MRE11: variants seen among roughly 807,000 people sequenced by gnomAD.
MRE11 encodes the protein MRE11 double strand break repair nuclease.
MRE11 carries 62 observed loss-of-function variants against 91.7 expected under a neutral mutation model. The observed-to-expected ratio is 0.68, with a 90% CI of 0.55 to 0.84. MRE11 has a LOEUF of 0.84. Among genes scored for constraint, MRE11 ranks in the 40% least tolerant of loss-of-function variants. The pLI is 0.00. For synonymous variants in MRE11, 273 were observed against 271.4 expected, an observed-to-expected ratio of 1.01 and a Z score of -0.06; for missense variants, 796 against 852.9, an observed-to-expected ratio of 0.93 and a Z score of 0.83.
chr11:94,424,884 T>C (rs1945269094), intron 19 of MRE11, among the ~76,000 whole-genome samples: 1 of 152,066 alleles, frequency 6.6e-6, no homozygotes, highest in Non-Finnish European at 1.5e-5. Context: ...CTCATTGGCA[T>C]TCCTGAGAGA....
At chr11:94,465,839 G>A (rs1946547129) in intron 10 of MRE11, among the ~76,000 whole-genome samples, 1 of 152,228 alleles carries the variant, frequency 6.6e-6, no homozygotes, top group Non-Finnish European at 1.5e-5. Context: ...TTCTAAGTAT[G>A]CTGTTCAGGG....
At chr11:94,491,609 C>G (rs1010809142) in intron 2 of MRE11, among the ~76,000 whole-genome samples, 3 of 152,114 alleles carry the variant, frequency 2.0e-5, no homozygotes, top group African/African-American at 7.2e-5. Flanking sequence ...CATCTCAACC[C>G]TCACAGATAA....
Position 94,434,830 on chromosome 11 carries a change from T to C in MRE11, c.1994+1002A>G, listed in dbSNP as rs536984042. The stretch of plus-strand genomic sequence containing the variant: ...TGTTCATTTCTCTTTTCCACTATAA[T>C]TGAAGTTACCTGAAGGCAGAGGCCA... On this transcript the variant is annotated intron_variant, in intron 18 of 19. Coordinates refer to ENST00000323929, the MANE Select transcript of MRE11 (RefSeq NM_005591.4). 6.6e-5 allele frequency among the ~76,000 whole-genome samples: 10 copies of C among 152,334 alleles called. No homozygotes were observed. In the East Asian group the frequency reaches 9.6e-4, roughly 15 times the overall value.
chr11:94,439,004 C>T (rs1289872758), intron 16 of MRE11, among the ~76,000 whole-genome samples: 1 of 152,174 alleles, frequency 6.6e-6, no homozygotes, highest in African/African-American at 2.4e-5. Flanking sequence ...AGCCACTATC[C>T]TCTGCTGACT....
chr11:94,472,137 C>A (rs768823244), intron 7 of MRE11, among the ~76,000 whole-genome samples: 3 of 151,958 alleles, frequency 2.0e-5, no homozygotes, highest in Non-Finnish European at 4.4e-5. Context: ...ACAGAAAATG[C>A]AAGTAAGTAT....
intron 16 of MRE11, among the ~76,000 whole-genome samples, chr11:94,444,199 G>C (rs1337031168): frequency 6.6e-6 from 1 of 152,114 alleles, no homozygotes; most frequent in Non-Finnish European, 1.5e-5. Context: ...ATGAGCCACT[G>C]CGCCTGGCCA....
In MRE11 at chr11:94,437,157, C is replaced by A; in HGVS notation, c.1926+20G>T. 6.3e-7 allele frequency: 1 copy of A among 1,599,866 alleles called. No homozygotes were observed. Among genetic ancestry groups the A allele is most frequent in the South Asian group, 1.1e-5 (1 of 89,884 alleles). Reference sequence around the variant, plus strand: ...AAAACATAAATTATTAATACACAACCATAAAACTTTTTTTCTTACCTCTGA... The same window carrying A: ...AAAACATAAATTATTAATACACAACAATAAAACTTTTTTTCTTACCTCTGA... On this transcript the variant is annotated intron_variant, in intron 17 of 19. Coordinates refer to ENST00000323929, the MANE Select transcript of MRE11 (RefSeq NM_005591.4).
intron 17 of MRE11, among the ~76,000 whole-genome samples, chr11:94,436,468 C>G (rs1177347418): frequency 1.3e-5 from 2 of 152,146 alleles, no homozygotes; most frequent in Non-Finnish European, 2.9e-5. Context: ...GAGGATGAAG[C>G]CAAAGACCAA....
intron 4 of MRE11, among the ~76,000 whole-genome samples, chr11:94,480,069 TGGTTTTTATTCGTAGTGGG>T (rs1336367647): frequency 1.3e-5 from 2 of 152,178 alleles, no homozygotes; most frequent in African/African-American, 2.4e-5. Flanking sequence ...ACTTAGCATA[TGGTTTTTATTCGTAGTGGG>T]GGGAGGGAAG....
intron 3 of MRE11, among the ~76,000 whole-genome samples, chr11:94,486,785 A>T (rs897591461): frequency 6.6e-6 from 1 of 152,224 alleles, no homozygotes; most frequent in Non-Finnish European, 1.5e-5. Context: ...ACATGGTGGC[A>T]TGTTAGTTGC....
rs1432565739 is a variant in MRE11 at position 94,416,150 on chromosome 11, C to T, written c.*3975G>A. 1 of 152,136 alleles carries T rather than the reference C, an allele frequency of 6.6e-6. No homozygotes were observed. The highest frequency in any genetic ancestry group is 1.5e-5 in the Non-Finnish European group (1 of 68,028). 9.4% of individuals were successfully genotyped at this position (152,136 alleles called of 1,614,324 possible). Reference sequence around the variant, plus strand: ...CAACAATTTTTCTTGGTAGTCTTGCCAACAGTAATTGGAGAAACGTGTTCC... The same window carrying T: ...CAACAATTTTTCTTGGTAGTCTTGCTAACAGTAATTGGAGAAACGTGTTCC... On this transcript the variant is annotated 3_prime_UTR_variant, in exon 20 of 20. Transcript: ENST00000323929.
At chr11:94,506,745 G>A in the MRE11 span, among the ~76,000 whole-genome samples, 3 of 151,738 alleles carry the variant, frequency 2.0e-5, no homozygotes, top group Admixed American at 6.6e-5. Flanking sequence ...AAGCCACCAC[G>A]CCGAGCTAAT....
chr11:94,498,208 C>T (rs756715123), upstream of MRE11: 7 of 1,614,128 alleles, frequency 4.3e-6, no homozygotes, highest in East Asian at 6.7e-5. Flanking sequence ...CACAGGGGGC[C>T]GATGTTCATG....
At chr11:94,501,573 C>T in the MRE11 span, among the ~76,000 whole-genome samples, 1 of 151,782 alleles carries the variant, frequency 6.6e-6, no homozygotes, top group African/African-American at 2.4e-5. Context: ...TTTTACAGCA[C>T]ATCTGGATTT....
intron 14 of MRE11, among the ~76,000 whole-genome samples, chr11:94,448,410 C>G (rs1490811435): frequency 2.0e-5 from 3 of 151,270 alleles, no homozygotes; most frequent in African/African-American, 7.3e-5. Context: ...GACCCTGCCT[C>G]CACCAAAAAT....
rs939694506 is a variant in MRE11 at position 94,467,845 on chromosome 11, G to A, written c.1066C>T (p.His356Tyr). Residue 356 changes from histidine to tyrosine, a missense_variant, in exon 10 of 20, where the codon CAC becomes TAC. By Grantham distance (83) the His-to-Tyr change is moderately conservative. Transcript: ENST00000323929. ...CGTACAAGAGGCTTCTCTGGCTGGT[G>A]AGAATTACCCAGACGTTCCCGTTCA... ...NAERERLGNSHQPEKPLVRLR... is the reference protein window; with the variant it reads ...NAERERLGNSYQPEKPLVRLR... 3 of 1,613,498 alleles carry A rather than the reference G, an allele frequency of 1.9e-6. No individual in the cohort carries two copies. Among genetic ancestry groups the A allele is most frequent in the Non-Finnish European group, 2.5e-6 (3 of 1,179,772 alleles).
intron 12 of MRE11, among the ~76,000 whole-genome samples, chr11:94,460,350 G>A (rs1946383351): frequency 6.6e-6 from 1 of 152,196 alleles, no homozygotes; most frequent in Non-Finnish European, 1.5e-5. Context: ...GGATCTTAGA[G>A]TGGCATATAC....
At position 94,418,761 on chromosome 11, in the gene MRE11, CA is replaced by C. The variant is rs1945087452; in HGVS notation, c.*1363del. On this transcript the variant is annotated 3_prime_UTR_variant, in exon 20 of 20. Transcript: ENST00000323929. ...TTCCACTGAGTTAATGTTACTTGCT[CA>C]AATAACCCTTATGCTCAAGTTAGGT... is the stretch of plus-strand genomic sequence containing the variant. 1 of 232,212 alleles carries C rather than the reference CA, an allele frequency of 4.3e-6. No individual in the cohort carries two copies. Among genetic ancestry groups the C allele is most frequent in the African/African-American group, 2.2e-5 (1 of 45,310 alleles). The allele number at this position is 232,212 out of a possible 1,614,324, so 14.4% of individuals were successfully genotyped here.
At position 94,478,833 on chromosome 11, in the gene MRE11, A is replaced by G. The variant is rs768338915; in HGVS notation, c.446T>C (p.Phe149Ser). ...CALDILSCAG[F>S]VNHFGRSMSV... ...CATTGAACGTCCAAAGTGATTTACA[A>G]ATCCAGCACAACTTAAAATGTCCAA... is the stretch of plus-strand genomic sequence containing the variant. Residue 149 changes from phenylalanine to serine, a missense_variant, in exon 6 of 20, where the codon TTT becomes TCT. Physicochemically the swap from Phe to Ser is radical, Grantham distance 155. Transcript: ENST00000323929. 3 of 1,613,888 alleles carry G rather than the reference A, an allele frequency of 1.9e-6. No homozygotes were observed. In the South Asian group the frequency reaches 3.3e-5, roughly 18 times the overall value.
Sources: allele counts gnomAD v4.1 joint callset (sites outside exome capture counted in the v4.1 genomes callset), GRCh38; gene constraint gnomAD v4.1.1; transcripts MANE v1.5; gene names NCBI Gene and HGNC (gene_info 2026-07-23, HGNC 2026-07-21).